Variants in TP53BP1 observed in about 807,000 individuals in gnomAD.
TP53BP1 encodes the protein tumor protein p53 binding protein 1.
In TP53BP1, 61 loss-of-function variants were observed where a neutral mutation model predicts 200.8. The observed-to-expected ratio is 0.30, with a 90% CI of 0.25 to 0.38. TP53BP1 has a LOEUF of 0.38. TP53BP1 is among the 10% of genes least tolerant of loss of function. The pLI, the probability that TP53BP1 is intolerant of heterozygous loss-of-function variation, is 1.00. For synonymous variants in TP53BP1, 822 were observed against 844.3 expected (o/e 0.97, Z 0.46); for missense variants, 2,144 against 2,371.9 (o/e 0.90, Z 2.00).
chr15:43,487,209 A>G (rs1016516723), intron 4 of TP53BP1, among the ~76,000 whole-genome samples: 9 of 152,176 alleles, frequency 5.9e-5, no homozygotes, highest in Non-Finnish European at 1.3e-4. Flanking sequence ...TAAGCACATG[A>G]AAAAATCCTC....
chr15:43,484,340 C>A (rs967883465), intron 4 of TP53BP1, among the ~76,000 whole-genome samples: 2 of 152,170 alleles, frequency 1.3e-5, no homozygotes, highest in Admixed American at 6.5e-5. Flanking sequence ...TGCTTCAATC[C>A]TGGTCCAGCC....
At chr15:43,444,320 T>C (rs967950050) in intron 14 of TP53BP1, among the ~76,000 whole-genome samples, 1 of 152,210 alleles carries the variant, frequency 6.6e-6, no homozygotes, top group East Asian at 1.9e-4. Context: ...TTGCCCAGGC[T>C]GGTCTTGTAC....
intron 1 of TP53BP1, among the ~76,000 whole-genome samples, chr15:43,501,188 G>A (rs936159979): frequency 2.0e-5 from 3 of 149,710 alleles, no homozygotes; most frequent in Non-Finnish European, 4.4e-5. Flanking sequence ...GAAATCTATA[G>A]CTCTTAATTG....
intron 13 of TP53BP1, chr15:43,446,817 A>C: frequency 6.7e-7 from 1 of 1,482,552 alleles, no homozygotes; most frequent in South Asian, 1.2e-5. Context: ...ATCTGGACAA[A>C]GGATGCTGCA....
intron 12 of TP53BP1, among the ~76,000 whole-genome samples, chr15:43,455,228 C>A (rs889729115): frequency 1.3e-5 from 2 of 151,992 alleles, no homozygotes; most frequent in African/African-American, 4.8e-5. Flanking sequence ...TGTGATTTTA[C>A]CACACAGAGT....
Position 43,415,746 on chromosome 15 carries a change from G to A in TP53BP1, c.4937C>T (p.Ala1646Val). The change falls in exon 23 of 28, where the codon GCC becomes GTC. Residue 1646 changes from alanine to valine, a missense_variant. Coordinates refer to ENST00000382044, the MANE Select transcript of TP53BP1 (RefSeq NM_001141980.3). ...AGGGGTTGTGCTGCTGCTACTGGAG[G>A]CAGTAGGGGTGGCTGGGGAGCTGAC... is the stretch of plus-strand genomic sequence containing the variant. Reference protein sequence around the residue: ...SNVSSPATPTASSSSSTTPTR... With the variant: ...SNVSSPATPTVSSSSSTTPTR... 6.2e-7 allele frequency: 1 copy of A among 1,614,136 alleles called. No homozygotes were observed. The highest frequency in any genetic ancestry group is 8.5e-7 in the Non-Finnish European group (1 of 1,179,992).
intron 12 of TP53BP1, among the ~76,000 whole-genome samples, chr15:43,454,281 GT>G (rs1264128592): frequency 6.6e-6 from 1 of 151,970 alleles, no homozygotes; most frequent in Admixed American, 6.6e-5. Context: ...GCCAAATACT[GT>G]TTTTTCATTT....
At chr15:43,508,255 G>A (rs2079249174) in intron 1 of TP53BP1, among the ~76,000 whole-genome samples, 1 of 152,142 alleles carries the variant, frequency 6.6e-6, no homozygotes, top group South Asian at 2.1e-4. Context: ...AGCTACTCAG[G>A]AGGCTAAGGC....
At chr15:43,410,821 G>A (rs911806384) in intron 24 of TP53BP1, among the ~76,000 whole-genome samples, 3 of 151,376 alleles carry the variant, frequency 2.0e-5, no homozygotes, top group African/African-American at 4.8e-5. Flanking sequence ...CCAGGTCAGG[G>A]GTCTCCATCT....
At chr15:43,470,239 A>G (rs1233359948) in intron 10 of TP53BP1, among the ~76,000 whole-genome samples, 173 bp from the exon 11 acceptor site, 1 of 152,248 alleles carries the variant, frequency 6.6e-6, no homozygotes, top group Non-Finnish European at 1.5e-5. Context: ...CAATCTACCA[A>G]TACTTCCTTT....
At chr15:43,460,550 C>T (rs1038233604) in intron 11 of TP53BP1, among the ~76,000 whole-genome samples, 9 of 152,088 alleles carry the variant, frequency 5.9e-5, no homozygotes, top group Admixed American at 2.6e-4. Flanking sequence ...TGAGCCACCA[C>T]GCTCAGGCTT....
At chr15:43,435,149 G>A (rs2045762262) in intron 16 of TP53BP1, among the ~76,000 whole-genome samples, 1 of 151,262 alleles carries the variant, frequency 6.6e-6, no homozygotes, top group African/African-American at 2.4e-5. Flanking sequence ...TGTAGTCCCA[G>A]CTACTTGGGA....
chr15:43,423,842 A>G (rs1257685428), intron 18 of TP53BP1, among the ~76,000 whole-genome samples: 3 of 152,004 alleles, frequency 2.0e-5, no homozygotes, highest in Non-Finnish European at 4.4e-5. Context: ...GGCTACTTCT[A>G]TTTATGCTTC....
chr15:43,434,782 C>T (rs2045752103), intron 16 of TP53BP1, among the ~76,000 whole-genome samples: 1 of 152,206 alleles, frequency 6.6e-6, no homozygotes, highest in Non-Finnish European at 1.5e-5. Flanking sequence ...TTTGTTGCAG[C>T]AGCCCAAAGA....
chr15:43,491,990 T>C lies in TP53BP1; in HGVS notation c.286+12A>G, dbSNP rs1229693031. 2 of 1,605,904 alleles carry C rather than the reference T, an allele frequency of 1.2e-6. No individual in the cohort carries two copies. The highest frequency in any genetic ancestry group is 8.5e-7 in the Non-Finnish European group (1 of 1,172,602). ...AAAATGCAAAGGGGACAGATAGCTT[T>C]AAACACCTCACCTGCAACCTTGTTT... On this transcript the variant is annotated intron_variant, in intron 3 of 27. Coordinates refer to ENST00000382044, the MANE Select transcript of TP53BP1 (RefSeq NM_001141980.3).
At chr15:43,426,971 T>C (rs1484984066) in intron 18 of TP53BP1, among the ~76,000 whole-genome samples, 1 of 150,256 alleles carries the variant, frequency 6.7e-6, no homozygotes, top group Non-Finnish European at 1.5e-5. Flanking sequence ...TGAGCTGAGA[T>C]TGCACCACTG....
chr15:43,457,009 C>A lies in TP53BP1; in HGVS notation c.1599G>T (p.Met533Ile). ...STSEYSQSPK[M>I]ESLSSHRIDE... ...CAATTCTGTGAGAACTCAAGCTCTC[C>A]ATCTTTGGGGACTGACTATATTCAC... Residue 533 changes from methionine (M) to isoleucine (I), a missense_variant, in exon 12 of 28, where the codon ATG becomes ATT. By Grantham distance (10) the Met-to-Ile change is conservative. Coordinates refer to ENST00000382044, the MANE Select transcript of TP53BP1 (RefSeq NM_001141980.3). 1 of 1,614,164 alleles carries A rather than the reference C, an allele frequency of 6.2e-7. No individual in the cohort carries two copies. The highest frequency in any genetic ancestry group is 1.6e-4 in the Middle Eastern group (1 of 6,062).
intron 18 of TP53BP1, among the ~76,000 whole-genome samples, chr15:43,422,791 T>G (rs955424545): frequency 6.6e-6 from 1 of 151,802 alleles, no homozygotes; most frequent in African/African-American, 2.4e-5. Context: ...TCCAGGAGCT[T>G]GAGACCACCT....
intron 7 of TP53BP1, 131 bp downstream of exon 7, chr15:43,479,266 C>CA: frequency 1.1e-6 from 1 of 915,222 alleles, no homozygotes; most frequent in Non-Finnish European, 1.6e-6. Context: ...CAATGGACCA[C>CA]AAGTATGCCC....
Sources: allele counts gnomAD v4.1 joint callset (sites outside exome capture counted in the v4.1 genomes callset), GRCh38; gene constraint gnomAD v4.1.1; transcripts MANE v1.5; gene names NCBI Gene and HGNC (gene_info 2026-07-23, HGNC 2026-07-21).